Variants in PRKG1 observed in about 807,000 individuals in gnomAD.
PRKG1 encodes the protein cGMP-dependent protein kinase 1.
Under a neutral mutation model 88.1 loss-of-function variants are expected in PRKG1, and 35 were observed. The ratio of observed to expected loss-of-function variants is 0.40; its 90% CI spans 0.30 to 0.53. The LOEUF (loss-of-function observed/expected upper bound fraction) is 0.53, where lower values mean the gene tolerates loss of function less well. PRKG1 is among the 20% of genes least tolerant of loss of function. The probability of loss-of-function intolerance (pLI) is 0.59; values close to 1 mark genes in which losing one functional copy is unlikely to be tolerated. For synonymous variants in PRKG1, 303 were observed against 292.5 expected (o/e 1.04, Z -0.37); for missense variants, 540 against 839.8 (o/e 0.64, Z 4.41).
chr10:51,727,300 A>ATATT (rs1554835916), intron 3 of PRKG1, among the ~76,000 whole-genome samples: 74 of 144,908 alleles, frequency 5.1e-4, no homozygotes, highest in African/African-American at 1.8e-3. Flanking sequence ...ATATATATAT[A>ATATT]TTTTTTTTAC....
chr10:51,406,351 C>T (rs1040740161), intron 2 of PRKG1, among the ~76,000 whole-genome samples: 3 of 152,104 alleles, frequency 2.0e-5, no homozygotes, highest in Non-Finnish European at 4.4e-5. Context: ...TTTTTTTCTT[C>T]ATGGCATACC....
chr10:51,611,397 A>C (rs1206661835), intron 3 of PRKG1, among the ~76,000 whole-genome samples: 1 of 151,652 alleles, frequency 6.6e-6, no homozygotes, highest in Non-Finnish European at 1.5e-5. Context: ...ATTTTTTCAT[A>C]TGTCTGTTGG....
chr10:51,038,656 T>C (rs1260088523), intron 1 of PRKG1, among the ~76,000 whole-genome samples: 1 of 152,240 alleles, frequency 6.6e-6, no homozygotes, highest in East Asian at 1.9e-4. Context: ...TGCAAATGAC[T>C]GGATCTTGCT....
chr10:51,221,317 C>A (rs1254999892), intron 2 of PRKG1, among the ~76,000 whole-genome samples: 1 of 151,940 alleles, frequency 6.6e-6, no homozygotes, highest in Non-Finnish European at 1.5e-5. Flanking sequence ...TTAAAATTCT[C>A]AAGTGACTAA....
chr10:52,221,300 A>G (rs1029245446), intron 9 of PRKG1, among the ~76,000 whole-genome samples: 11 of 152,184 alleles, frequency 7.2e-5, no homozygotes, highest in East Asian at 1.9e-4. Flanking sequence ...TTTTAAGGCA[A>G]TATATCTTGA....
At chr10:51,466,368 A>T (rs1162071934) in intron 2 of PRKG1, among the ~76,000 whole-genome samples, 1 of 152,064 alleles carries the variant, frequency 6.6e-6, no homozygotes, top group Non-Finnish European at 1.5e-5. Context: ...GAATTTGTTC[A>T]TTCCTGACTA....
chr10:51,881,374 A>G (rs754811374), intron 4 of PRKG1, among the ~76,000 whole-genome samples: 22 of 152,182 alleles, frequency 1.4e-4, no homozygotes, highest in South Asian at 4.1e-4. Context: ...TGTGCTCCAC[A>G]TGTCAGCTGG....
At chr10:51,263,312 C>T (rs758458242) in intron 2 of PRKG1, among the ~76,000 whole-genome samples, 44 of 152,168 alleles carry the variant, frequency 2.9e-4, no homozygotes, top group Non-Finnish European at 4.7e-4. Context: ...ATGTTGATAT[C>T]AACGATATCC....
At chr10:51,351,218 T>C (rs969254133) in intron 2 of PRKG1, among the ~76,000 whole-genome samples, 7 of 152,220 alleles carry the variant, frequency 4.6e-5, no homozygotes, top group Non-Finnish European at 1.0e-4. Context: ...GCAATAAACA[T>C]ATGCATGCAT....
chr10:51,034,263 A>G (rs1843323402), intron 1 of PRKG1, among the ~76,000 whole-genome samples: 1 of 152,118 alleles, frequency 6.6e-6, no homozygotes. Context: ...TTTGAGCTGT[A>G]GTTGAAGAGT....
chr10:51,302,206 A>T (rs923065303), intron 2 of PRKG1, among the ~76,000 whole-genome samples: 1 of 152,248 alleles, frequency 6.6e-6, no homozygotes. Flanking sequence ...CTGGTACGTT[A>T]ATTAATGTAG....
intron 1 of PRKG1, among the ~76,000 whole-genome samples, chr10:51,084,676 AC>A (rs967071077): frequency 3.5e-4 from 53 of 152,302 alleles, no homozygotes; most frequent in African/African-American, 1.0e-3. Flanking sequence ...GCATCAAAAA[AC>A]AGATCTAATG....
intron 5 of PRKG1, among the ~76,000 whole-genome samples, chr10:51,986,515 TG>T (rs1156943332): frequency 6.6e-6 from 1 of 152,246 alleles, no homozygotes; most frequent in East Asian, 1.9e-4. Flanking sequence ...CATTATGTGA[TG>T]CCAGCTAAGA....
At chr10:52,229,361 C>T (rs1162442820) in intron 9 of PRKG1, among the ~76,000 whole-genome samples, 3 of 152,196 alleles carry the variant, frequency 2.0e-5, no homozygotes, top group Non-Finnish European at 4.4e-5. Context: ...CTTTCACCTG[C>T]ATATTACTGA....
intron 3 of PRKG1, among the ~76,000 whole-genome samples, chr10:51,729,336 A>G (rs1269513701): frequency 6.6e-6 from 1 of 152,172 alleles, no homozygotes; most frequent in African/African-American, 2.4e-5. Flanking sequence ...AGGGTTTATT[A>G]TCTCTAGTGG....
chr10:51,141,365 C>T (rs1845815963), intron 1 of PRKG1, among the ~76,000 whole-genome samples: 1 of 152,128 alleles, frequency 6.6e-6, no homozygotes, highest in African/African-American at 2.4e-5. Flanking sequence ...ATTGTTGTGA[C>T]CTTATTTTCA....
intron 1 of PRKG1, among the ~76,000 whole-genome samples, chr10:51,057,412 C>A (rs779969389): frequency 9.9e-5 from 15 of 152,158 alleles, no homozygotes; most frequent in African/African-American, 1.4e-4. Context: ...TTGTTTTATG[C>A]TTCTGTAATG....
At chr10:52,147,098 A>G (rs1837749371) in intron 8 of PRKG1, among the ~76,000 whole-genome samples, 1 of 152,238 alleles carries the variant, frequency 6.6e-6, no homozygotes, top group Non-Finnish European at 1.5e-5. Flanking sequence ...GGAAAAGAAT[A>G]AACAAATCTG....
chr10:51,901,847 G>A (rs1841987220), intron 4 of PRKG1, among the ~76,000 whole-genome samples: 1 of 152,058 alleles, frequency 6.6e-6, no homozygotes, highest in Admixed American at 6.6e-5. Context: ...CTTATTTACA[G>A]TGTTTCCAAG....
Sources: allele counts gnomAD v4.1 joint callset (sites outside exome capture counted in the v4.1 genomes callset), GRCh38; gene constraint gnomAD v4.1.1; transcripts MANE v1.5; gene names NCBI Gene and HGNC (gene_info 2026-07-23, HGNC 2026-07-21).